Variants in CNTN5 observed in about 807,000 individuals in gnomAD.
CNTN5 encodes contactin 5.
CNTN5 carries 77 observed loss-of-function variants against 129.1 expected under a neutral mutation model. The observed-to-expected ratio is 0.60, with a 90% CI of 0.50 to 0.72. The LOEUF is 0.72. CNTN5 is among the 30% of genes least tolerant of loss of function. The pLI is 0.00. For synonymous variants in CNTN5, 509 were observed against 465.6 expected (o/e 1.09, Z -1.20); for missense variants, 1,478 against 1,328.8 (o/e 1.11, Z -1.75).
intron 1 of CNTN5, among the ~76,000 whole-genome samples, chr11:99,094,766 C>T (rs1038826541): frequency 6.6e-6 from 1 of 151,816 alleles, no homozygotes; most frequent in Non-Finnish European, 1.5e-5. Flanking sequence ...AACCCCGTCT[C>T]CTGTGGATAC....
At chr11:100,059,900 G>T (rs1387814645) in intron 9 of CNTN5, among the ~76,000 whole-genome samples, 3 of 152,100 alleles carry the variant, frequency 2.0e-5, no homozygotes, top group African/African-American at 7.2e-5. Context: ...TAGCAGCATT[G>T]ATTTTTAATG....
intron 4 of CNTN5, among the ~76,000 whole-genome samples, chr11:99,821,059 T>C (rs1186745307): frequency 6.6e-6 from 1 of 152,236 alleles, no homozygotes; most frequent in East Asian, 1.9e-4. Flanking sequence ...TTACATTTAA[T>C]ATAAGTTTTT....
At chr11:99,146,636 T>G (rs1183803165) in intron 1 of CNTN5, among the ~76,000 whole-genome samples, 1 of 152,206 alleles carries the variant, frequency 6.6e-6, no homozygotes, top group East Asian at 1.9e-4. Context: ...AAATGATCTA[T>G]AAATACTTTA....
At chr11:99,707,026 A>G (rs2134919365) in intron 3 of CNTN5, among the ~76,000 whole-genome samples, 1 of 151,434 alleles carries the variant, frequency 6.6e-6, no homozygotes, top group Middle Eastern at 3.4e-3. Context: ...ATTAAAATCC[A>G]TATTTCACGT....
chr11:100,192,591 G>GTATC (rs1295357929), intron 14 of CNTN5, among the ~76,000 whole-genome samples: 1 of 151,956 alleles, frequency 6.6e-6, no homozygotes, highest in African/African-American at 2.4e-5. Flanking sequence ...TTGTCTTGAG[G>GTATC]TATCTATGAC....
At chr11:99,202,703 C>G (rs1859271239) in intron 1 of CNTN5, among the ~76,000 whole-genome samples, 1 of 150,884 alleles carries the variant, frequency 6.6e-6, no homozygotes, top group Non-Finnish European at 1.5e-5. Context: ...GAAACACAGT[C>G]CAAAAACAAA....
intron 3 of CNTN5, among the ~76,000 whole-genome samples, chr11:99,784,093 C>T (rs1945420406): frequency 6.6e-6 from 1 of 152,076 alleles, no homozygotes; most frequent in Admixed American, 6.5e-5. Flanking sequence ...CAGATGATTT[C>T]AGAAGATGAA....
chr11:100,177,821 G>A, intron 13 of CNTN5, among the ~76,000 whole-genome samples: 1 of 152,050 alleles, frequency 6.6e-6, no homozygotes, highest in East Asian at 1.9e-4. Context: ...TGGTGTGAAG[G>A]AGATGGCCTA....
At chr11:99,217,293 A>G (rs1374315910) in intron 1 of CNTN5, among the ~76,000 whole-genome samples, 1 of 152,204 alleles carries the variant, frequency 6.6e-6, no homozygotes, top group South Asian at 2.1e-4. Flanking sequence ...ATTTATCAAA[A>G]GAAGACACAC....
intron 4 of CNTN5, among the ~76,000 whole-genome samples, chr11:99,836,978 T>A (rs1316806144): frequency 6.6e-6 from 1 of 152,214 alleles, no homozygotes; most frequent in East Asian, 1.9e-4. Flanking sequence ...CAGAGGTCAC[T>A]CTCATGGCTG....
chr11:99,855,126 T>G (rs1257613661), intron 6 of CNTN5, among the ~76,000 whole-genome samples: 1 of 151,986 alleles, frequency 6.6e-6, no homozygotes, highest in Non-Finnish European at 1.5e-5. Flanking sequence ...CTGGGCAATA[T>G]GGCAAGCCCT....
intron 10 of CNTN5, among the ~76,000 whole-genome samples, chr11:100,066,759 CT>C (rs1943710769): frequency 6.7e-6 from 1 of 149,432 alleles, no homozygotes; most frequent in Non-Finnish European, 1.5e-5. Context: ...CAGACCACGT[CT>C]TGGCATCTGC....
intron 1 of CNTN5, among the ~76,000 whole-genome samples, chr11:99,056,113 C>A (rs1864614135): frequency 6.6e-6 from 1 of 151,822 alleles, no homozygotes; most frequent in Non-Finnish European, 1.5e-5. Context: ...TTAAAAATTT[C>A]AATATTCTCT....
At chr11:99,689,523 C>CAAAAAA (rs1399587161) in intron 3 of CNTN5, among the ~76,000 whole-genome samples, 1 of 4,052 alleles carries the variant, frequency 2.5e-4, no homozygotes, top group Non-Finnish European at 5.6e-4. Flanking sequence ...TGAGACTCCT[C>CAAAAAA]AAAAAAGAAA....
At chr11:99,140,135 A>G (rs11218534) in intron 1 of CNTN5, among the ~76,000 whole-genome samples, 24,841 of 152,206 alleles carry the variant, frequency 0.16, 2,151 homozygotes, top group Middle Eastern at 0.21. Context: ...GCAAAAATAC[A>G]TATAGAATTT....
In CNTN5 at chr11:99,869,765, C is replaced by T. The variant is rs184885114; in HGVS notation, c.577+24503C>T. Among the ~76,000 whole-genome samples, 255 of 152,184 alleles carry T rather than the reference C, an allele frequency of 1.7e-3. 2 individuals carry two copies. The highest frequency in any genetic ancestry group is 2.7e-3 in the Admixed American group (41 of 15,278). ...TGTATGACATGTTGCTTTTCATAGA[C>T]GTTATCTCTGTTCAATTTGCTTCTG... On this transcript the variant is annotated intron_variant, in intron 6 of 24. Coordinates refer to ENST00000524871, the MANE Select transcript of CNTN5 (RefSeq NM_014361.4).
At chr11:99,718,111 G>A (rs981691814) in intron 3 of CNTN5, among the ~76,000 whole-genome samples, 10 of 151,988 alleles carry the variant, frequency 6.6e-5, no homozygotes, top group African/African-American at 1.9e-4. Context: ...ATGCCAATAC[G>A]CTCTAATTGG....
intron 3 of CNTN5, among the ~76,000 whole-genome samples, chr11:99,602,366 T>G (rs996744946): frequency 2.0e-5 from 3 of 152,090 alleles, no homozygotes; most frequent in Non-Finnish European, 4.4e-5. Context: ...CTTAGTGAAT[T>G]CAGAGGAGAT....
In CNTN5 at chr11:100,356,312, G is replaced by A; in HGVS notation, c.*92G>A. Reference sequence around the variant, plus strand: ...AAGTGGAGAACCAGGATCCTGAGATGAGCTTGAGCTTTAAAAACTTGGGAC... The same window carrying A: ...AAGTGGAGAACCAGGATCCTGAGATAAGCTTGAGCTTTAAAAACTTGGGAC... On this transcript the variant is annotated 3_prime_UTR_variant, in exon 25 of 25. Coordinates refer to ENST00000524871, the MANE Select transcript of CNTN5 (RefSeq NM_014361.4). 1 of 864,624 alleles carries A rather than the reference G, an allele frequency of 1.2e-6. No individual in the cohort carries two copies. The highest frequency in any genetic ancestry group is 1.9e-6 in the Non-Finnish European group (1 of 530,788). The allele number at this position is 864,624 out of a possible 1,614,324, so 53.6% of individuals were successfully genotyped here.
Sources: gnomAD v4.1 joint callset for allele counts (sites outside exome capture counted in the v4.1 genomes callset) on GRCh38, gnomAD v4.1.1 for gene constraint, MANE v1.5 for transcripts, NCBI Gene and HGNC (gene_info 2026-07-23, HGNC 2026-07-21) for gene names.